Variants in SLC14A2 observed in about 807,000 individuals in gnomAD.
SLC14A2 encodes the protein urea transporter 2.
Under a neutral mutation model 104.6 loss-of-function variants are expected in SLC14A2, and 91 were observed. That is an observed-to-expected ratio of 0.87 (90% CI 0.73 to 1.04). The LOEUF is 1.04. Ranked by LOEUF, SLC14A2 falls within the 50% of genes least tolerant of loss-of-function variation. The pLI is 0.00. For missense variants in SLC14A2, 1,189 were observed against 1,156.0 expected (o/e 1.03, Z -0.41); for synonymous variants, 476 against 466.4 (o/e 1.02, Z -0.27).
At chr18:45,343,919 A>G (rs2085422003) in intron 1 of SLC14A2, among the ~76,000 whole-genome samples, 1 of 152,118 alleles carries the variant, frequency 6.6e-6, no homozygotes, top group South Asian at 2.1e-4. Flanking sequence ...ATTATATGAG[A>G]CCTCAGACAC....
At chr18:45,370,778 A>G (rs964682302) in intron 1 of SLC14A2, among the ~76,000 whole-genome samples, 4 of 152,162 alleles carry the variant, frequency 2.6e-5, no homozygotes, top group African/African-American at 7.2e-5. Context: ...AGGGAGTGGG[A>G]GAGAGAGAGC....
At chr18:45,406,520 T>C (rs140860260) in intron 1 of SLC14A2, among the ~76,000 whole-genome samples, 17 of 152,360 alleles carry the variant, frequency 1.1e-4, no homozygotes, top group African/African-American at 4.1e-4. Flanking sequence ...ATCATAAATG[T>C]TCTTAATGGC....
chr18:45,539,996 A>T lies in SLC14A2; in HGVS notation c.-35+56674A>T, dbSNP rs1166912864. Among the ~76,000 whole-genome samples, 3 of 152,322 alleles carry T rather than the reference A, an allele frequency of 2.0e-5. No individual in the cohort carries two copies. In the East Asian group the frequency reaches 5.8e-4, roughly 29 times the overall value. On this transcript the variant is annotated intron_variant, in intron 2 of 20. Coordinates refer to the SLC14A2 transcript ENST00000586448. ...TGTCAAAAATACGGGGTGCTGAGCAATAGGCAACTCGTAAAATTTTATCTC... is the reference window on the plus strand; with the variant it reads ...TGTCAAAAATACGGGGTGCTGAGCATTAGGCAACTCGTAAAATTTTATCTC...
At chr18:45,240,381 C>T (rs1033170435) in intron 1 of SLC14A2, among the ~76,000 whole-genome samples, 1 of 152,008 alleles carries the variant, frequency 6.6e-6, no homozygotes, top group Non-Finnish European at 1.5e-5. Flanking sequence ...AGGCATGAGC[C>T]ACCACGCCCG....
chr18:45,521,906 T>C (rs748469979), intron 2 of SLC14A2, among the ~76,000 whole-genome samples: 5 of 152,104 alleles, frequency 3.3e-5, no homozygotes, highest in Admixed American at 6.5e-5. Flanking sequence ...AAGAGGTATT[T>C]TCCCAGAGGC....
At chr18:45,594,268 A>G (rs1355967811) in intron 2 of SLC14A2, among the ~76,000 whole-genome samples, 1 of 152,224 alleles carries the variant, frequency 6.6e-6, no homozygotes, top group African/African-American at 2.4e-5. Context: ...GATGCAGAGT[A>G]TTAGGAAATG....
chr18:45,680,897 G>A (rs182466731), intron 19 of SLC14A2, among the ~76,000 whole-genome samples: 20 of 152,272 alleles, frequency 1.3e-4, no homozygotes, highest in African/African-American at 3.9e-4. Context: ...TGGAAGACTC[G>A]CTGAATGGAA....
intron 1 of SLC14A2, among the ~76,000 whole-genome samples, chr18:45,459,981 C>T (rs1027800396): frequency 6.6e-6 from 1 of 152,196 alleles, no homozygotes; most frequent in Non-Finnish European, 1.5e-5. Context: ...ACCTGGGGCT[C>T]TCATGTTGCC....
chr18:45,389,028 C>T (rs1208454462), intron 1 of SLC14A2, among the ~76,000 whole-genome samples: 1 of 152,144 alleles, frequency 6.6e-6, no homozygotes, highest in African/African-American at 2.4e-5. Flanking sequence ...TGAGAATTTG[C>T]ATTAACCCTT....
rs143536746 is a variant in SLC14A2, at chr18:45,520,751, C to T, written c.-35+37429C>T. Among the ~76,000 whole-genome samples the T allele has an allele frequency of 1.1e-3, 164 of 152,290 alleles. 2 individuals carry two copies. In the South Asian group the frequency reaches 0.014, roughly 13 times the overall value. On this transcript the variant is annotated intron_variant, in intron 2 of 20. Transcript: ENST00000586448. The stretch of plus-strand genomic sequence containing the variant: ...GCTGTGTGACCTAGGGCAGTTACCT[C>T]AACCTCTGGGAACATCTATTTCTTC...
intron 2 of SLC14A2, among the ~76,000 whole-genome samples, chr18:45,565,975 A>T (rs1427659045): frequency 1.3e-5 from 2 of 152,172 alleles, no homozygotes; most frequent in Non-Finnish European, 2.9e-5. Context: ...AGGTGGGGAC[A>T]TGTGTGTTTT....
intron 1 of SLC14A2, among the ~76,000 whole-genome samples, chr18:45,340,924 A>G (rs9954120): frequency 0.03 from 4,571 of 152,242 alleles, 178 homozygotes; most frequent in African/African-American, 0.092. Flanking sequence ...AATACAGTCA[A>G]TGAAGGATTA....
intron 1 of SLC14A2, among the ~76,000 whole-genome samples, chr18:45,420,860 C>G (rs771699820): frequency 6.6e-6 from 1 of 151,834 alleles, no homozygotes; most frequent in Non-Finnish European, 1.5e-5. Context: ...CCCGCCTCAA[C>G]CTCCCGAGTA....
chr18:45,257,791 G>A (rs1419930415), intron 1 of SLC14A2, among the ~76,000 whole-genome samples: 1 of 152,102 alleles, frequency 6.6e-6, no homozygotes, highest in Admixed American at 6.5e-5. Context: ...TACCTAGGTT[G>A]GCTAAAGTTC....
chr18:45,262,243 C>G (rs533176242), intron 1 of SLC14A2, among the ~76,000 whole-genome samples: 1 of 152,090 alleles, frequency 6.6e-6, no homozygotes, highest in Non-Finnish European at 1.5e-5. Context: ...TTTAAGACAG[C>G]CTTATGAGGT....
chr18:45,318,342 C>T (rs551792229), intron 1 of SLC14A2, among the ~76,000 whole-genome samples: 1 of 152,270 alleles, frequency 6.6e-6, no homozygotes, highest in East Asian at 1.9e-4. Flanking sequence ...TTTCTCAGCA[C>T]TGGGTCATGT....
At chr18:45,595,920 C>T (rs898574866) in intron 2 of SLC14A2, among the ~76,000 whole-genome samples, 18 of 152,180 alleles carry the variant, frequency 1.2e-4, no homozygotes, top group African/African-American at 4.3e-4. Context: ...GTCCCCCTCT[C>T]AAATCATGAA....
At chr18:45,401,819 C>T (rs1568184158) in intron 1 of SLC14A2, among the ~76,000 whole-genome samples, 1 of 152,110 alleles carries the variant, frequency 6.6e-6, no homozygotes, top group African/African-American at 2.4e-5. Context: ...GATACACTCC[C>T]TAAGACCACT....
the SLC14A2 span, among the ~76,000 whole-genome samples, chr18:45,201,287 C>T: frequency 6.6e-6 from 1 of 152,084 alleles, no homozygotes; most frequent in Non-Finnish European, 1.5e-5. Context: ...TCATTTTAGC[C>T]AGCCCACTTA....
Sources: gnomAD v4.1 joint callset for allele counts (sites outside exome capture counted in the v4.1 genomes callset) on GRCh38, gnomAD v4.1.1 for gene constraint, MANE v1.5 for transcripts, NCBI Gene and HGNC (gene_info 2026-07-23, HGNC 2026-07-21) for gene names.